MBD5: variants seen among roughly 807,000 people sequenced by gnomAD.
MBD5 encodes the protein methyl-CpG-binding domain protein 5.
In MBD5, 13 loss-of-function variants were observed where a neutral mutation model predicts 117.3. The observed-to-expected ratio is 0.11, with a 90% CI of 0.07 to 0.18. The LOEUF (loss-of-function observed/expected upper bound fraction) is 0.18, where lower values mean the gene tolerates loss of function less well. Ranked by LOEUF, MBD5 falls within the 10% of genes least tolerant of loss-of-function variation. MBD5 has a pLI of 1.00. For missense variants in MBD5, 1,879 were observed against 2,093.8 expected, an observed-to-expected ratio of 0.90 and a Z score of 2.00; for synonymous variants, 727 against 766.4, an observed-to-expected ratio of 0.95 and a Z score of 0.85.
At chr2:148,028,151 A>C (rs1226537636) in intron 1 of MBD5, 2 of 152,132 alleles carry the variant, frequency 1.3e-5, no homozygotes, top group African/African-American at 4.8e-5. Context: ...CAGTTGACCT[A>C]TATAACCTTT....
At chr2:148,468,038 A>C (rs934759074) in intron 7 of MBD5, among the ~76,000 whole-genome samples, 1 of 152,178 alleles carries the variant, frequency 6.6e-6, no homozygotes, top group Non-Finnish European at 1.5e-5. Context: ...TAATGTCATT[A>C]TGTATTGCTT....
chr2:148,227,755 G>A (rs1281308559), intron 2 of MBD5, among the ~76,000 whole-genome samples: 1 of 152,154 alleles, frequency 6.6e-6, no homozygotes, highest in Non-Finnish European at 1.5e-5. Context: ...AGCATGGAAT[G>A]TTCTTCCATT....
chr2:148,157,142 T>TTTA (rs1697895329), intron 1 of MBD5, among the ~76,000 whole-genome samples: 1 of 152,178 alleles, frequency 6.6e-6, no homozygotes, highest in Non-Finnish European at 1.5e-5. Context: ...TATTTCTTTT[T>TTTA]TTATTATTAT....
chr2:148,447,178 GGAAAGAAAGAAA>G (rs70995316), intron 4 of MBD5, among the ~76,000 whole-genome samples: 228 of 137,754 alleles, frequency 1.7e-3, no homozygotes, highest in African/African-American at 6.0e-3. Context: ...AAAGGAAGAA[GGAAAGAAAGAAA>G]GAAAGAAAGA....
At chr2:148,093,902 A>G (rs1212110709) in intron 1 of MBD5, among the ~76,000 whole-genome samples, 7 of 152,212 alleles carry the variant, frequency 4.6e-5, no homozygotes, top group Non-Finnish European at 7.4e-5. Flanking sequence ...TATTACAAGA[A>G]CTACTTATTA....
chr2:148,097,588 GGA>G (rs1461177635), intron 1 of MBD5, among the ~76,000 whole-genome samples: 1 of 152,198 alleles, frequency 6.6e-6, no homozygotes, highest in East Asian at 1.9e-4. Flanking sequence ...AAAGAGGAAG[GGA>G]GAGTTTGAGA....
At chr2:148,282,983 T>C (rs1415869078) in intron 3 of MBD5, among the ~76,000 whole-genome samples, 3 of 150,122 alleles carry the variant, frequency 2.0e-5, no homozygotes, top group Non-Finnish European at 1.5e-5. Context: ...TATATAAAGC[T>C]GTATAGTACT....
chr2:148,230,683 G>A (rs1574167157), intron 2 of MBD5, among the ~76,000 whole-genome samples: 1 of 152,044 alleles, frequency 6.6e-6, no homozygotes, highest in Admixed American at 6.6e-5. Context: ...AAGTCTCAGA[G>A]TCTCACCCAA....
At chr2:148,394,088 C>T (rs1289235512) in intron 4 of MBD5, among the ~76,000 whole-genome samples, 1 of 152,152 alleles carries the variant, frequency 6.6e-6, no homozygotes, top group Non-Finnish European at 1.5e-5. Context: ...TGCATTTTTG[C>T]ACCCATAAGT....
chr2:148,029,528 CT>C (rs1047769973), intron 1 of MBD5, among the ~76,000 whole-genome samples: 7 of 152,126 alleles, frequency 4.6e-5, no homozygotes, highest in African/African-American at 1.7e-4. Context: ...TAACATATCG[CT>C]TTTCTAGGCT....
intron 3 of MBD5, among the ~76,000 whole-genome samples, chr2:148,245,744 T>TAATC (rs1700323260): frequency 6.6e-6 from 1 of 152,194 alleles, no homozygotes; most frequent in African/African-American, 2.4e-5. Flanking sequence ...CTCCCACCAT[T>TAATC]AATCACCTTA....
At chr2:148,185,963 G>A (rs907729840) in intron 2 of MBD5, among the ~76,000 whole-genome samples, 1 of 152,152 alleles carries the variant, frequency 6.6e-6, no homozygotes, top group Non-Finnish European at 1.5e-5. Context: ...AGCATGATTT[G>A]CGTATCTCTG....
At chr2:148,037,723 A>T (rs1416867313) in intron 1 of MBD5, among the ~76,000 whole-genome samples, 3 of 151,994 alleles carry the variant, frequency 2.0e-5, no homozygotes, top group Non-Finnish European at 4.4e-5. Flanking sequence ...TTGAGAAGCA[A>T]GCTCAGGTTT....
chr2:148,048,858 A>G (rs1221775144), intron 1 of MBD5, among the ~76,000 whole-genome samples: 2 of 152,120 alleles, frequency 1.3e-5, no homozygotes, highest in Admixed American at 1.3e-4. Flanking sequence ...TAGGGTGGGT[A>G]TGAGATAAGC....
At chr2:148,076,864 A>C (rs373222764) in intron 1 of MBD5, among the ~76,000 whole-genome samples, 1 of 152,228 alleles carries the variant, frequency 6.6e-6, no homozygotes, top group Non-Finnish European at 1.5e-5. Flanking sequence ...CTCATAGTCT[A>C]GTAGAGGCAA....
intron 1 of MBD5, among the ~76,000 whole-genome samples, chr2:148,171,165 G>A (rs1698253097): frequency 6.6e-6 from 1 of 152,076 alleles, no homozygotes; most frequent in African/African-American, 2.4e-5. Context: ...ACCAAAGCCA[G>A]ACAAGGACAT....
At chr2:148,127,949 CATT>C (rs773242063) in intron 1 of MBD5, among the ~76,000 whole-genome samples, 23 of 152,138 alleles carry the variant, frequency 1.5e-4, no homozygotes, top group East Asian at 1.9e-4. Context: ...GATGGTATCT[CATT>C]GTTGTTTTAA....
chr2:148,036,420 G>C (rs1472941356), intron 1 of MBD5, among the ~76,000 whole-genome samples: 1 of 152,114 alleles, frequency 6.6e-6, no homozygotes, highest in East Asian at 1.9e-4. Context: ...TTCTTCTGTT[G>C]TTTAAAATTG....
intron 2 of MBD5, among the ~76,000 whole-genome samples, chr2:148,210,320 T>C (rs1002030379): frequency 2.8e-4 from 43 of 152,110 alleles, no homozygotes; most frequent in Admixed American, 2.4e-3. Context: ...ATGTTAAGGA[T>C]GTACCATTTA....
Sources: gnomAD v4.1 joint callset for allele counts (sites outside exome capture counted in the v4.1 genomes callset) on GRCh38, gnomAD v4.1.1 for gene constraint, MANE v1.5 for transcripts, NCBI Gene and HGNC (gene_info 2026-07-23, HGNC 2026-07-21) for gene names.